PRIM2: variants seen among roughly 807,000 people sequenced by gnomAD.
PRIM2 encodes DNA primase large subunit.
PRIM2 carries 39 observed loss-of-function variants against 67.3 expected under a neutral mutation model. The observed-to-expected ratio is 0.58, with a 90% CI of 0.45 to 0.76. The LOEUF (loss-of-function observed/expected upper bound fraction) is 0.76, where lower values mean the gene tolerates loss of function less well. PRIM2 is among the 30% of genes least tolerant of loss of function. PRIM2 has a pLI of 0.00. For synonymous variants in PRIM2, 143 were observed against 198.7 expected (o/e 0.72, Z 2.36); for missense variants, 398 against 598.7 (o/e 0.66, Z 3.50).
rs549946349 is a variant in PRIM2 at position 57,397,089 on chromosome 6, G to A, written c.693+14921G>A. 2.0e-5 allele frequency among the ~76,000 whole-genome samples: 3 copies of A among 152,220 alleles called. No individual in the cohort carries two copies. The South Asian group carries it at 6.2e-4, about 32-fold the overall frequency. ...GGTTACCTGGTGCTTCTGTCTCACA[G>A]CTCTTAGGATTCTTTCCTTCATCCT... On this transcript the variant is annotated intron_variant, in intron 7 of 13. Transcript: ENST00000615550.
the PRIM2 span, among the ~76,000 whole-genome samples, chr6:57,259,250 T>G: frequency 6.6e-6 from 1 of 152,092 alleles, no homozygotes; most frequent in African/African-American, 2.4e-5. Flanking sequence ...ACAAAACCAG[T>G]AGTATCTTTG....
chr6:57,308,763 G>A, the PRIM2 span, among the ~76,000 whole-genome samples: 2 of 152,026 alleles, frequency 1.3e-5, no homozygotes, highest in Non-Finnish European at 2.9e-5. Flanking sequence ...AATTACTAAT[G>A]TAATTAAACA....
intron 7 of PRIM2, among the ~76,000 whole-genome samples, chr6:57,454,268 A>C (rs1435737642): frequency 1.3e-5 from 2 of 151,986 alleles, no homozygotes; most frequent in African/African-American, 2.4e-5. Flanking sequence ...TTTGTCTCTG[A>C]CAGGCTTTGG....
intron 7 of PRIM2, among the ~76,000 whole-genome samples, chr6:57,387,209 G>C (rs1426824384): frequency 2.0e-5 from 3 of 152,046 alleles, no homozygotes; most frequent in African/African-American, 7.2e-5. Context: ...TAAGTTCTTT[G>C]AGAGTGAGGA....
At chr6:57,342,781 G>A (rs4992407) in intron 5 of PRIM2, among the ~76,000 whole-genome samples, 1 of 152,266 alleles carries the variant, frequency 6.6e-6, no homozygotes, top group Non-Finnish European at 1.5e-5. Flanking sequence ...GAGGGCTTTT[G>A]GGTGAAGGCA....
chr6:57,433,282 A>G (rs1771893221), intron 7 of PRIM2, among the ~76,000 whole-genome samples: 2 of 152,050 alleles, frequency 1.3e-5, no homozygotes, highest in Non-Finnish European at 1.5e-5. Context: ...GTACATGTGC[A>G]CAATGTGCAG....
At chr6:57,291,282 C>T in the PRIM2 span, among the ~76,000 whole-genome samples, 4 of 152,284 alleles carry the variant, frequency 2.6e-5, no homozygotes, top group Admixed American at 6.5e-5. Flanking sequence ...CCCATACACC[C>T]TCCCAAGACT....
chr6:57,357,151 C>T (rs1158394667), intron 5 of PRIM2, among the ~76,000 whole-genome samples: 1 of 152,054 alleles, frequency 6.6e-6, no homozygotes, highest in Non-Finnish European at 1.5e-5. Context: ...CCAAGCTGGT[C>T]TTGAACTCCT....
intron 11 of PRIM2, among the ~76,000 whole-genome samples, chr6:57,604,572 G>A (rs1251713159): frequency 6.6e-6 from 1 of 152,050 alleles, no homozygotes; most frequent in Non-Finnish European, 1.5e-5. Flanking sequence ...TTGAGCTTTG[G>A]CCCATTCAGT....
chr6:57,608,766 C>T (rs1367489244), intron 12 of PRIM2, among the ~76,000 whole-genome samples: 3 of 150,582 alleles, frequency 2.0e-5, no homozygotes, highest in Non-Finnish European at 4.4e-5. Flanking sequence ...GTGGTATTAG[C>T]TTAAGCATCA....
intron 7 of PRIM2, among the ~76,000 whole-genome samples, chr6:57,503,704 C>G (rs1774191737): frequency 1.3e-5 from 2 of 151,584 alleles, no homozygotes; most frequent in Non-Finnish European, 2.9e-5. Flanking sequence ...TGCAGTGGGC[C>G]AAGATCACAC....
the PRIM2 span, among the ~76,000 whole-genome samples, chr6:57,285,093 T>A: frequency 6.6e-6 from 1 of 152,158 alleles, no homozygotes; most frequent in African/African-American, 2.4e-5. Flanking sequence ...AATCCCTGAA[T>A]AGACCAATAA....
intron 10 of PRIM2, among the ~76,000 whole-genome samples, chr6:57,574,299 G>A (rs1775921568): frequency 6.6e-6 from 1 of 152,150 alleles, no homozygotes; most frequent in South Asian, 2.1e-4. Flanking sequence ...AACCCCAGAA[G>A]ACTTTGCTAC....
At chr6:57,605,788 A>G (rs1398470700) in intron 11 of PRIM2, among the ~76,000 whole-genome samples, 2,670 of 152,224 alleles carry the variant, frequency 0.018, 86 homozygotes, top group African/African-American at 0.061. Context: ...TAACATAGAG[A>G]TGACACATAT....
chr6:57,282,109 G>T, the PRIM2 span, among the ~76,000 whole-genome samples: 3 of 152,080 alleles, frequency 2.0e-5, no homozygotes, highest in Non-Finnish European at 4.4e-5. Flanking sequence ...ATGTGACCTC[G>T]TCTTTCTCTA....
At chr6:57,408,432 A>G (rs1581874651) in intron 7 of PRIM2, among the ~76,000 whole-genome samples, 2 of 152,336 alleles carry the variant, frequency 1.3e-5, no homozygotes, top group South Asian at 2.1e-4. Context: ...CATGTCATTC[A>G]CATAGCCACC....
chr6:57,620,525 G>A (rs1318932495), intron 12 of PRIM2, among the ~76,000 whole-genome samples: 1 of 152,160 alleles, frequency 6.6e-6, no homozygotes, highest in Non-Finnish European at 1.5e-5. Flanking sequence ...GAGAGAATTC[G>A]CCATTACTAA....
intron 13 of PRIM2, among the ~76,000 whole-genome samples, chr6:57,645,602 C>A (rs1230274696): frequency 6.6e-6 from 1 of 150,394 alleles, no homozygotes; most frequent in Non-Finnish European, 1.5e-5. Flanking sequence ...GGAAAGGATA[C>A]GTTTCCTGTT....
the PRIM2 span, among the ~76,000 whole-genome samples, chr6:57,240,450 C>T: frequency 9.9e-5 from 15 of 152,166 alleles, no homozygotes; most frequent in East Asian, 1.9e-4. Context: ...CAGTAGACCA[C>T]GAGCAGCTTG....
Sources: gnomAD v4.1 joint callset for allele counts (sites outside exome capture counted in the v4.1 genomes callset) on GRCh38, gnomAD v4.1.1 for gene constraint, MANE v1.5 for transcripts, NCBI Gene and HGNC (gene_info 2026-07-23, HGNC 2026-07-21) for gene names.